The following C4BPA variants were observed in gnomAD, a reference collection of about 807,000 sequenced individuals.
The protein encoded by C4BPA is complement component 4 binding protein alpha, also known as C4b-binding protein alpha chain.
Under a neutral mutation model 63.7 loss-of-function variants are expected in C4BPA, and 31 were observed. The observed-to-expected ratio is 0.49, with a 90% CI of 0.37 to 0.66. C4BPA has a LOEUF of 0.66. Ranked by LOEUF, C4BPA falls within the 30% of genes least tolerant of loss-of-function variation. The pLI is 0.00. For missense variants in C4BPA, 572 were observed against 723.3 expected, an observed-to-expected ratio of 0.79 and a Z score of 2.40; for synonymous variants, 259 against 254.7, an observed-to-expected ratio of 1.02 and a Z score of -0.16.
At chr1:207,118,213 G>GTCTATCTATCTATCTATCTATCTATCTA (rs35838980) in intron 4 of C4BPA, among the ~76,000 whole-genome samples, 2 of 137,384 alleles carry the variant, frequency 1.5e-5, no homozygotes, top group African/African-American at 2.7e-5. Context: ...TCTATCATCT[G>GTCTATCTATCTATCTATCTATCTATCTA]TCTATCTATC....
At chr1:207,113,296 T>G (rs1684708679) in intron 2 of C4BPA, 129 bp downstream of exon 2, 1 of 998,658 alleles carries the variant, frequency 1.0e-6, no homozygotes, top group Non-Finnish European at 1.5e-6. Context: ...AAGTGGTTTA[T>G]TTGACAGGCT....
chr1:207,123,599 G>A (rs1212640703), intron 4 of C4BPA, among the ~76,000 whole-genome samples: 1 of 152,192 alleles, frequency 6.6e-6, no homozygotes, highest in African/African-American at 2.4e-5. Flanking sequence ...CAGTAATCTA[G>A]CTGGTACTCT....
rs536877118 is a variant in C4BPA, at chr1:207,131,666, A to G, written c.1010A>G (p.Lys337Arg). 1.9e-6 allele frequency: 3 copies of G among 1,614,022 alleles called. No individual in the cohort carries two copies. In the African/African-American group the frequency reaches 4.0e-5, roughly 22 times the overall value. The change falls in exon 8 of 12, where the codon AAA (lysine) becomes AGA (arginine). Residue 337 changes from lysine (K) to arginine (R), a missense_variant. This residue lies in a region of C4BPA where 465 missense variants were observed against 629.4 expected (regional missense o/e 0.74). Coordinates refer to ENST00000367070, the MANE Select transcript of C4BPA (RefSeq NM_000715.4). ...VLRYRCHPGY[K>R]PTTDEPTTVI... is the part of the protein sequence containing the mutation. ...AGGTACCGCTGTCATCCTGGCTACA[A>G]ACCCACTACAGATGAGCCTACGACT...
intron 4 of C4BPA, among the ~76,000 whole-genome samples, chr1:207,123,113 G>A (rs1342129306): frequency 6.6e-6 from 1 of 152,190 alleles, no homozygotes; most frequent in Non-Finnish European, 1.5e-5. Context: ...AAACACTAAG[G>A]TGTTCCCATT....
chr1:207,127,299 A>G (rs1685067905), intron 7 of C4BPA: 1 of 152,856 alleles, frequency 6.5e-6, no homozygotes, highest in African/African-American at 2.4e-5. Flanking sequence ...GCCTTTTATA[A>G]CTTGTACAAA....
Position 207,143,932 on chromosome 1 carries a change from C to A in C4BPA, c.1559C>A (p.Pro520His). The part of the protein sequence containing the change: ...QCDSGYGVVG[P>H]QSITCSGNRT... ...GATTCTGGCTATGGTGTGGTTGGTC[C>A]CCAAAGTATCACTTGCTCTGGGAAC... The change falls in exon 11 of 12, where the codon CCC (proline) becomes CAC (histidine). Residue 520 changes from proline to histidine, a missense_variant. Around this residue, in one of 2 missense-constraint regions of C4BPA, gnomAD observed 465 missense variants for 629.4 expected, o/e 0.74. Coordinates refer to ENST00000367070, the MANE Select transcript of C4BPA (RefSeq NM_000715.4). 6.2e-7 allele frequency: 1 copy of A among 1,610,718 alleles called. No homozygotes were observed. The highest frequency in any genetic ancestry group is 1.1e-5 in the South Asian group (1 of 90,352).
At position 207,133,535 on chromosome 1, in the gene C4BPA, G is replaced by T. The variant is rs192674344; in HGVS notation, c.1085-869G>T. ...CCCCAGCACTTTGGGAGGCCGAGGT[G>T]GGGGGCCACTTGAGGCCAGGAGTTT... On this transcript the variant is annotated intron_variant, in intron 8 of 11. Coordinates refer to ENST00000367070, the MANE Select transcript of C4BPA (RefSeq NM_000715.4). Among the ~76,000 whole-genome samples, 3 of 152,310 alleles carry T rather than the reference G, an allele frequency of 2.0e-5. No individual in the cohort carries two copies. In the East Asian group the frequency reaches 5.8e-4, roughly 29 times the overall value.
At chr1:207,113,189 C>A in intron 2 of C4BPA, 22 bp downstream of exon 2, 1 of 1,599,540 alleles carries the variant, frequency 6.3e-7, no homozygotes, top group Non-Finnish European at 8.5e-7. Flanking sequence ...GAAACAAGCT[C>A]AAATCAGCAA....
intron 4 of C4BPA, among the ~76,000 whole-genome samples, chr1:207,118,248 A>ATCT (rs1270198843): frequency 9.6e-4 from 36 of 37,422 alleles, no homozygotes; most frequent in African/African-American, 2.9e-3. Context: ...TCTATCTATC[A>ATCT]TCTATCTACT....
chr1:207,135,692 C>T (rs1414827921), intron 9 of C4BPA, among the ~76,000 whole-genome samples: 1 of 152,148 alleles, frequency 6.6e-6, no homozygotes, highest in Admixed American at 6.5e-5. Flanking sequence ...ATATAAAAGT[C>T]GATATGATTC....
rs753488341 is a variant in C4BPA, at chr1:207,113,087, C to G, written c.62C>G (p.Pro21Arg). Residue 21 changes from proline to arginine, a missense_variant, in exon 2 of 12, where the codon CCC becomes CGC. This residue lies in a region of C4BPA where 107 missense variants were observed against 93.9 expected (regional missense o/e 1.14). Transcript: ENST00000367070. ...AGAAAAAGGAAAATGGCAGCCTGGC[C>G]CTTCTCCAGGCTGTGGAAAGTCTCT... is the stretch of plus-strand genomic sequence containing the variant. ...LHRKRKMAAW[P>R]FSRLWKVSDP... The G allele has an allele frequency of 3.1e-6, 5 of 1,610,358 alleles. No individual in the cohort carries two copies. The highest frequency in any genetic ancestry group is 4.2e-6 in the Non-Finnish European group (5 of 1,178,448).
chr1:207,128,230 C>T (rs941008000), intron 7 of C4BPA, among the ~76,000 whole-genome samples: 2 of 152,164 alleles, frequency 1.3e-5, no homozygotes, highest in Non-Finnish European at 2.9e-5. Context: ...ATTATTCTCC[C>T]CAGCTCTGCG....
rs765068531 is a variant in C4BPA at position 207,144,587 on chromosome 1, T to C, written c.1664T>C (p.Leu555Pro). ...GAACAAGTGCTCACAGGCAAAAGAC[T>C]CATGCAGTGTCTCCCAAACCCAGAG... ...GCEQVLTGKR[L>P]MQCLPNPEDV... Residue 555 changes from leucine (L) to proline (P), a missense_variant, in exon 12 of 12, where the codon CTC (leucine) becomes CCC (proline). Coordinates refer to ENST00000367070, the MANE Select transcript of C4BPA (RefSeq NM_000715.4). The C allele has an allele frequency of 5.0e-6, 8 of 1,612,986 alleles. No homozygotes were observed. The East Asian group carries it at 1.6e-4, about 31-fold the overall frequency.
At chr1:207,111,274 T>G (rs1047419966) in intron 1 of C4BPA, among the ~76,000 whole-genome samples, 8 of 152,232 alleles carry the variant, frequency 5.3e-5, no homozygotes, top group Non-Finnish European at 2.9e-5. Flanking sequence ...ATGTTGGTCC[T>G]GGCTCCTCCC....
At chr1:207,144,245 C>G (rs1285267034) in intron 11 of C4BPA, among the ~76,000 whole-genome samples, 1 of 152,136 alleles carries the variant, frequency 6.6e-6, no homozygotes, top group Non-Finnish European at 1.5e-5. Flanking sequence ...CCCAGTAGTA[C>G]TGATTTCTAG....
chr1:207,134,411 T>C lies in C4BPA; in HGVS notation c.1092T>C (p.Cys364=). The part of the protein sequence containing the change: ...WTPYQGCEAL[C]CPEPKLNNGE... Reference sequence around the variant, plus strand: ...TCACATTTTATTTTTCAGCGTTATGTTGCCCTGAACCAAAGCTAAATAATG... The same window carrying C: ...TCACATTTTATTTTTCAGCGTTATGCTGCCCTGAACCAAAGCTAAATAATG... The change falls in exon 9 of 12, where the codon TGT becomes TGC. Residue 364 remains cysteine (C), a synonymous_variant. Transcript: ENST00000367070. 2 of 1,612,218 alleles carry C rather than the reference T, an allele frequency of 1.2e-6. No homozygotes were observed. The highest frequency in any genetic ancestry group is 1.7e-6 in the Non-Finnish European group (2 of 1,178,898).
intron 4 of C4BPA, among the ~76,000 whole-genome samples, chr1:207,123,498 T>G (rs1412608011): frequency 6.6e-6 from 1 of 152,096 alleles, no homozygotes; most frequent in African/African-American, 2.4e-5. Flanking sequence ...AAAATGGAAG[T>G]GGTGAACTGA....
At position 207,132,980 on chromosome 1, in the gene C4BPA, A is replaced by T. The variant is rs566533576; in HGVS notation, c.1084+1240A>T. Among the ~76,000 whole-genome samples, 28 of 152,346 alleles carry T rather than the reference A, an allele frequency of 1.8e-4. No homozygotes were observed. In the Middle Eastern group the frequency reaches 0.01, roughly 56 times the overall value. ...GCCAAAGCTGCAGTGAGCCGAGATCATGCCACTGCATTCCAGCCTGGATGA... is the reference window on the plus strand; with the variant it reads ...GCCAAAGCTGCAGTGAGCCGAGATCTTGCCACTGCATTCCAGCCTGGATGA... On this transcript the variant is annotated intron_variant, in intron 8 of 11. Coordinates refer to ENST00000367070, the MANE Select transcript of C4BPA (RefSeq NM_000715.4).
In C4BPA at chr1:207,131,535, T is replaced by A; in HGVS notation, c.890-11T>A. 6.3e-7 allele frequency: 1 copy of A among 1,583,888 alleles called. No homozygotes were observed. Among genetic ancestry groups the A allele is most frequent in the Non-Finnish European group, 8.7e-7 (1 of 1,155,140 alleles). On this transcript the variant is annotated splice_polypyrimidine_tract_variant and intron_variant, in intron 7 of 11. Transcript: ENST00000367070. ...GTCCTTTTGTTCTTCTTCTTCTTCT[T>A]TCATGAGTAGATAGTTGTATTAATT...
Sources: gnomAD v4.1 joint callset for allele counts (sites outside exome capture counted in the v4.1 genomes callset) on GRCh38, gnomAD v4.1.1 for gene constraint, gnomAD v4.1.1 regional missense constraint, MANE v1.5 for transcripts, NCBI Gene and HGNC (gene_info 2026-07-23, HGNC 2026-07-21) for gene names.